SLC5A4: variants seen among roughly 807,000 people sequenced by gnomAD.
SLC5A4 encodes solute carrier family 5 member 4.
Under a neutral mutation model 70.3 loss-of-function variants are expected in SLC5A4, and 55 were observed. That is an observed-to-expected ratio of 0.78 (90% CI 0.63 to 0.98). The LOEUF (loss-of-function observed/expected upper bound fraction) is 0.98, where lower values mean the gene tolerates loss of function less well. SLC5A4 is among the 50% of genes least tolerant of loss of function. The pLI, the probability that SLC5A4 is intolerant of heterozygous loss-of-function variation, is 0.00. For missense variants in SLC5A4, 735 were observed against 839.2 expected (o/e 0.88, Z 1.53); for synonymous variants, 268 against 305.7 (o/e 0.88, Z 1.29).
chr22:32,325,848 C>T, the SLC5A4 span, among the ~76,000 whole-genome samples: 1 of 152,234 alleles, frequency 6.6e-6, no homozygotes, highest in Non-Finnish European at 1.5e-5. Context: ...TGGAGCTTGG[C>T]CTGTGCTGCT....
At chr22:32,322,615 AAG>A in the SLC5A4 span, among the ~76,000 whole-genome samples, 2 of 151,960 alleles carry the variant, frequency 1.3e-5, no homozygotes, top group African/African-American at 2.4e-5. Flanking sequence ...GAAAAAAAAA[AAG>A]AAACAGCCAG....
chr22:32,286,385 G>A, the SLC5A4 span, among the ~76,000 whole-genome samples: 1 of 152,160 alleles, frequency 6.6e-6, no homozygotes, highest in Non-Finnish European at 1.5e-5. Context: ...CCCTTTCCAT[G>A]ACATTCACTG....
chr22:32,343,286 A>G, the SLC5A4 span, among the ~76,000 whole-genome samples: 1 of 152,230 alleles, frequency 6.6e-6, no homozygotes, highest in African/African-American at 2.4e-5. Context: ...GAAATCTGCT[A>G]GATGGGGCCT....
chr22:32,256,045 G>A (rs1458574076), upstream of SLC5A4, among the ~76,000 whole-genome samples: 3 of 152,138 alleles, frequency 2.0e-5, no homozygotes, highest in Non-Finnish European at 2.9e-5. Flanking sequence ...AAGCCTATGC[G>A]GTGGCTGACA....
the SLC5A4 span, among the ~76,000 whole-genome samples, chr22:32,289,334 C>A: frequency 9.2e-5 from 14 of 152,166 alleles, no homozygotes; most frequent in African/African-American, 3.4e-4. Flanking sequence ...CCAAATCTCA[C>A]CTTGAACTGT....
the SLC5A4 span, among the ~76,000 whole-genome samples, chr22:32,321,396 G>A: frequency 2.1e-4 from 32 of 152,214 alleles, no homozygotes; most frequent in Non-Finnish European, 1.0e-4. Flanking sequence ...AGGTTGCAGT[G>A]AGCTGAGATC....
chr22:32,270,796 G>A, the SLC5A4 span: 8 of 598,896 alleles, frequency 1.3e-5, no homozygotes, highest in African/African-American at 7.3e-5. Context: ...CGACGGCCGC[G>A]TCACCATGTT....
At chr22:32,224,134 A>C (rs780107917) in intron 13 of SLC5A4, 133 bp downstream of exon 13, 3 of 660,592 alleles carry the variant, frequency 4.5e-6, no homozygotes, top group Admixed American at 4.9e-5. Context: ...GTTAACCAGG[A>C]TGGTCTCCAT....
the SLC5A4 span, among the ~76,000 whole-genome samples, chr22:32,311,438 G>A: frequency 3.9e-5 from 6 of 152,206 alleles, no homozygotes; most frequent in East Asian, 1.9e-4. Context: ...CACTGGCAGC[G>A]TGGCCTTTGG....
intron 5 of SLC5A4, among the ~76,000 whole-genome samples, chr22:32,245,948 C>T (rs1356889228): frequency 6.6e-6 from 1 of 152,236 alleles, no homozygotes; most frequent in African/African-American, 2.4e-5. Context: ...TCTCTGCTTC[C>T]CTCTGCCTCG....
chr22:32,251,755 T>C lies in SLC5A4; in HGVS notation c.312+15A>G. ...TGGTTTTGATTTGAAGGAAAAAGCC[T>C]ATGATGTCACTTACAGTCCATTCAA... On this transcript the variant is annotated intron_variant, in intron 3 of 14. Coordinates refer to ENST00000266086, the MANE Select transcript of SLC5A4 (RefSeq NM_014227.3). 4 of 1,498,434 alleles carry C rather than the reference T, an allele frequency of 2.7e-6. No individual in the cohort carries two copies. The highest frequency in any genetic ancestry group is 3.7e-6 in the Non-Finnish European group (4 of 1,074,358). 92.8% of individuals were successfully genotyped at this position (1,498,434 alleles called of 1,614,324 possible).
chr22:32,235,091 A>C lies in SLC5A4; in HGVS notation c.667T>G (p.Phe223Val). 1 of 1,610,388 alleles carries C rather than the reference A, an allele frequency of 6.2e-7. No homozygotes were observed. The highest frequency in any genetic ancestry group is 8.5e-7 in the Non-Finnish European group (1 of 1,177,232). ...CTCTCATAACCTCCAACTTCGTTAA[A>C]TGCTAAAAAGGCATCAGAGTAAAAT... Reference protein sequence around the residue: ...IGSFILMGFAFNEVGGYESFT... With the variant: ...IGSFILMGFAVNEVGGYESFT... Residue 223 changes from phenylalanine (F) to valine (V), a missense_variant and splice_region_variant, in exon 8 of 15, where the codon TTT becomes GTT. Transcript: ENST00000266086.
intron 11 of SLC5A4, among the ~76,000 whole-genome samples, chr22:32,227,295 C>T (rs947698635): frequency 8.5e-5 from 13 of 152,086 alleles, no homozygotes; most frequent in Non-Finnish European, 1.3e-4. Flanking sequence ...ATCAGTGGGA[C>T]GACTGCATCT....
chr22:32,330,762 G>A, the SLC5A4 span, among the ~76,000 whole-genome samples: 1 of 37,150 alleles, frequency 2.7e-5, no homozygotes, highest in Non-Finnish European at 5.3e-5. Context: ...GGAAGCTCTG[G>A]TGTATGTGTT....
At chr22:32,276,737 G>GT in the SLC5A4 span, 1 of 152,122 alleles carries the variant, frequency 6.6e-6, no homozygotes, top group African/African-American at 2.4e-5. Context: ...GGTGGACTAC[G>GT]TTTTGTAAAA....
the SLC5A4 span, among the ~76,000 whole-genome samples, chr22:32,353,775 C>A: frequency 6.6e-6 from 1 of 150,914 alleles, no homozygotes; most frequent in Non-Finnish European, 1.5e-5. Flanking sequence ...CCCGGGATAG[C>A]GCCCCCAATC....
the SLC5A4 span, among the ~76,000 whole-genome samples, chr22:32,294,558 C>A: frequency 6.6e-6 from 1 of 150,418 alleles, no homozygotes; most frequent in Non-Finnish European, 1.5e-5. Context: ...CCACTTTCCT[C>A]CTGCCCCACC....
chr22:32,265,981 C>G, the SLC5A4 span, among the ~76,000 whole-genome samples: 1 of 152,144 alleles, frequency 6.6e-6, no homozygotes, highest in Non-Finnish European at 1.5e-5. Flanking sequence ...TATAAATTGC[C>G]AGGGGAGGAC....
chr22:32,339,392 G>A, the SLC5A4 span, among the ~76,000 whole-genome samples: 1 of 152,160 alleles, frequency 6.6e-6, no homozygotes, highest in Admixed American at 6.5e-5. Flanking sequence ...AGACTCAGGA[G>A]AGCTACTGGC....
Sources: allele counts gnomAD v4.1 joint callset (sites outside exome capture counted in the v4.1 genomes callset), GRCh38; gene constraint gnomAD v4.1.1; transcripts MANE v1.5; gene names NCBI Gene and HGNC (gene_info 2026-07-23, HGNC 2026-07-21).